The following NSD2 variants were observed in gnomAD, a reference collection of about 807,000 sequenced individuals.
NSD2 encodes nuclear receptor binding SET domain protein 2.
Under a neutral mutation model 139.0 loss-of-function variants are expected in NSD2, and 12 were observed. That is an observed-to-expected ratio of 0.09 (90% CI 0.06 to 0.14). The LOEUF (loss-of-function observed/expected upper bound fraction) is 0.14. Among genes scored for constraint, NSD2 ranks in the 10% least tolerant of loss-of-function variants. The pLI is 1.00. For missense variants in NSD2, 1,155 were observed against 1,745.0 expected (o/e 0.66, Z 6.02); for synonymous variants, 669 against 648.7 (o/e 1.03, Z -0.48).
chr4:1,930,809 G>A (rs1489243688), intron 6 of NSD2, 39 bp downstream of exon 6: 2 of 1,594,464 alleles, frequency 1.3e-6, no homozygotes, highest in Non-Finnish European at 1.7e-6. Flanking sequence ...TGCTTGGGTT[G>A]ATGTGTGTAG....
chr4:1,917,982 T>C (rs1475134725), intron 4 of NSD2, among the ~76,000 whole-genome samples, 159 bp from the exon 5 acceptor site: 1 of 151,774 alleles, frequency 6.6e-6, no homozygotes, highest in African/African-American at 2.4e-5. Flanking sequence ...GGTTTTGCCA[T>C]GTTGACCAGG....
In NSD2 at chr4:1,955,083, G is replaced by C; in HGVS notation, c.2339-78G>C. 1 of 1,407,702 alleles carries C rather than the reference G, an allele frequency of 7.1e-7. No homozygotes were observed. The highest frequency in any genetic ancestry group is 9.7e-7 in the Non-Finnish European group (1 of 1,035,700). 87.2% of individuals were successfully genotyped at this position (1,407,702 alleles called of 1,614,324 possible). A position where few individuals can be genotyped will look rare whatever the true frequency, so the allele number is the denominator to read the frequency against. On this transcript the variant is annotated intron_variant, in intron 12 of 21. Transcript: ENST00000508803. The surrounding 1 kb of genome is among the most constrained non-coding windows in gnomAD (Gnocchi z 4.7). The stretch of plus-strand genomic sequence containing the variant: ...TTAACTTTTCAAATTCATGGAGGCT[G>C]AGTAATTATTAGTTGCTCTTTTCAC...
rs1306585669 is a variant in NSD2 at position 1,953,448 on chromosome 4, C to G, written c.2262C>G (p.Ser754Arg). The G allele has an allele frequency of 6.2e-7, 1 of 1,614,132 alleles. No individual in the cohort carries two copies. The highest frequency in any genetic ancestry group is 8.5e-7 in the Non-Finnish European group (1 of 1,180,036). ...VKKYPLTVFESRGFRCPLHSC... is the reference protein window; with the variant it reads ...VKKYPLTVFERRGFRCPLHSC... ...AATACCCTCTGACTGTATTTGAGAG[C>G]CGAGGTTTCCGCTGCCCCCTCCACA... The change falls in exon 12 of 22, where the codon AGC (serine) becomes AGG (arginine). Residue 754 changes from serine (S) to arginine (R), a missense_variant. By Grantham distance (110) the Ser-to-Arg change is moderately radical. Transcript: ENST00000508803.
intron 5 of NSD2, among the ~76,000 whole-genome samples, chr4:1,920,748 G>GAA (rs1338624355): frequency 6.6e-6 from 1 of 151,850 alleles, no homozygotes; most frequent in East Asian, 1.9e-4. Flanking sequence ...AAAAAGAAAA[G>GAA]AAAGGCCGAG....
At chr4:1,926,186 C>T (rs1402664016) in intron 5 of NSD2, among the ~76,000 whole-genome samples, 25 of 142,732 alleles carry the variant, frequency 1.8e-4, no homozygotes, top group African/African-American at 4.0e-4. Context: ...GACGTAGTCT[C>T]GCACTGTTGC....
chr4:1,977,252 C>T (rs375567006), intron 21 of NSD2, among the ~76,000 whole-genome samples: 1 of 152,230 alleles, frequency 6.6e-6, no homozygotes, highest in African/African-American at 2.4e-5. Context: ...TTCCAGCACC[C>T]GCATTTCAGA....
intron 9 of NSD2, among the ~76,000 whole-genome samples, chr4:1,949,043 C>A (rs1469943552): frequency 6.6e-6 from 1 of 152,188 alleles, no homozygotes; most frequent in African/African-American, 2.4e-5. Context: ...CTGAGTGGGG[C>A]CCCAGACAGT....
At chr4:1,938,185 G>A (rs1305815004) in intron 7 of NSD2, among the ~76,000 whole-genome samples, 1 of 152,134 alleles carries the variant, frequency 6.6e-6, no homozygotes, top group Non-Finnish European at 1.5e-5. Context: ...CCTGACAGAT[G>A]CGAGAGCGGG....
At chr4:1,947,538 G>A (rs1723759860) in intron 9 of NSD2, 2 of 1,053,926 alleles carry the variant, frequency 1.9e-6, no homozygotes, top group Non-Finnish European at 2.3e-6. Flanking sequence ...AAATTGTTAT[G>A]AACTATAGTA....
intron 5 of NSD2, among the ~76,000 whole-genome samples, chr4:1,925,207 C>T (rs546829576): frequency 6.6e-6 from 1 of 152,072 alleles, no homozygotes; most frequent in African/African-American, 2.4e-5. Flanking sequence ...TGCTGGTGCA[C>T]ACAAGGATGG....
At chr4:1,967,006 A>G (rs1395989340) in intron 18 of NSD2, among the ~76,000 whole-genome samples, 2 of 152,228 alleles carry the variant, frequency 1.3e-5, no homozygotes, top group African/African-American at 2.4e-5. Context: ...AAAAAGATCA[A>G]TAAAATTGAC....
chr4:1,943,032 C>T (rs1463102044), intron 9 of NSD2: 1 of 1,050,360 alleles, frequency 9.5e-7, no homozygotes, highest in Non-Finnish European at 1.1e-6. Context: ...TGATCCAAGG[C>T]CCCGGACCAA....
intron 9 of NSD2, chr4:1,944,801 A>G: frequency 6.6e-6 from 7 of 1,063,704 alleles, no homozygotes; most frequent in Non-Finnish European, 6.8e-6. Flanking sequence ...GCCTTTCCTC[A>G]GTGTTCATGC....
intron 1 of NSD2, among the ~76,000 whole-genome samples, chr4:1,889,481 C>T (rs769304257): frequency 1.3e-5 from 2 of 151,864 alleles, no homozygotes; most frequent in Non-Finnish European, 2.9e-5. Context: ...GGGTGTGAGG[C>T]ACCACGCCCG....
At chr4:1,944,084 G>A (rs989616852) in intron 9 of NSD2, 8 of 1,065,504 alleles carry the variant, frequency 7.5e-6, no homozygotes, top group South Asian at 9.1e-5. Flanking sequence ...GTATCTCAGC[G>A]GGGGGTGGGG....
At chr4:1,936,183 G>T (rs1390320501) in intron 7 of NSD2, among the ~76,000 whole-genome samples, 1 of 152,200 alleles carries the variant, frequency 6.6e-6, no homozygotes. Context: ...ACCTGCAGGG[G>T]AGTGAAACCA....
chr4:1,975,944 G>T (rs1470355420), intron 20 of NSD2, among the ~76,000 whole-genome samples: 4 of 152,172 alleles, frequency 2.6e-5, no homozygotes, highest in Non-Finnish European at 5.9e-5. Flanking sequence ...CAGAGATTTG[G>T]GGGGGCACTC....
rs1448953144 is a variant in NSD2 at position 1,924,799 on chromosome 4, C to T, written c.1411-5827C>T. 2.6e-5 allele frequency among the ~76,000 whole-genome samples: 4 copies of T among 151,820 alleles called. 1 individual carries two copies. The South Asian group carries it at 6.2e-4, about 24-fold the overall frequency. Reference sequence around the variant, plus strand: ...AAAATTAACGGGGCATGATGGTGCACACTTGTAGTCTTAGTTACTCAGGAA... The same window carrying T: ...AAAATTAACGGGGCATGATGGTGCATACTTGTAGTCTTAGTTACTCAGGAA... On this transcript the variant is annotated intron_variant, in intron 5 of 21. Coordinates refer to ENST00000508803, the MANE Select transcript of NSD2 (RefSeq NM_001042424.3).
rs1307046584 is a variant in NSD2, at chr4:1,948,165, A to C, written c.1882-2907A>C. On this transcript the variant is annotated intron_variant, in intron 9 of 21. Coordinates refer to ENST00000508803, the MANE Select transcript of NSD2 (RefSeq NM_001042424.3). The surrounding 1 kb of genome is among the most constrained non-coding windows in gnomAD (Gnocchi z 4.5). The stretch of plus-strand genomic sequence containing the variant: ...TTTTCAGACTGAAGAAAACTTTGAA[A>C]AGTCAGGAGCTAAGCTGCTCGGAGC... The C allele has an allele frequency of 1.9e-6, 2 of 1,062,844 alleles. No individual in the cohort carries two copies. Among genetic ancestry groups the C allele is most frequent in the Non-Finnish European group, 2.3e-6 (2 of 877,588 alleles). 65.8% of individuals were successfully genotyped at this position (1,062,844 alleles called of 1,614,324 possible). A position where few individuals can be genotyped will look rare whatever the true frequency, so the allele number is the denominator to read the frequency against.
Sources: allele counts gnomAD v4.1 joint callset (sites outside exome capture counted in the v4.1 genomes callset), GRCh38; gene constraint gnomAD v4.1.1; non-coding constraint Gnocchi (gnomAD v3.1); transcripts MANE v1.5; gene names NCBI Gene and HGNC (gene_info 2026-07-23, HGNC 2026-07-21).